Variants in SCML2 observed in about 807,000 individuals in gnomAD.
The protein encoded by SCML2 is sex comb on midleg-like protein 2.
In SCML2, 6 loss-of-function variants were observed where a neutral mutation model predicts 48.4. The ratio of observed to expected loss-of-function variants is 0.12; its 90% CI spans 0.07 to 0.24. The LOEUF (loss-of-function observed/expected upper bound fraction) is 0.24, where lower values mean the gene tolerates loss of function less well. Among genes scored for constraint, SCML2 ranks in the 10% least tolerant of loss-of-function variants. SCML2 has a pLI of 1.00. For missense variants in SCML2, 377 were observed against 528.2 expected, an observed-to-expected ratio of 0.71 and a Z score of 2.81; for synonymous variants, 181 against 189.5, an observed-to-expected ratio of 0.95 and a Z score of 0.37.
chrX:18,307,349 A>G (rs1928789518), intron 6 of SCML2, among the ~76,000 whole-genome samples: 1 of 111,875 alleles, frequency 8.9e-6, no homozygotes, highest in Non-Finnish European at 1.9e-5. Context: ...AGATCAAAGT[A>G]TTTGATAAAT....
chrX:18,280,378 T>C (rs902867075), intron 7 of SCML2, among the ~76,000 whole-genome samples: 2 of 111,404 alleles, frequency 1.8e-5, no homozygotes, highest in African/African-American at 6.5e-5. Context: ...AAACATGAAA[T>C]TGAAAGAATG....
chrX:18,270,176 T>G (rs1927403681), intron 7 of SCML2, among the ~76,000 whole-genome samples: 1 of 108,757 alleles, frequency 9.2e-6, no homozygotes, highest in African/African-American at 3.4e-5. Flanking sequence ...TACAGGCGCG[T>G]GCCACCATGC....
intron 3 of SCML2, among the ~76,000 whole-genome samples, chrX:18,329,695 G>A (rs112272168): frequency 8.9e-6 from 1 of 112,409 alleles, no homozygotes; most frequent in Non-Finnish European, 1.9e-5. Context: ...TATATGCCTA[G>A]GCATTATATT....
At chrX:18,305,572 ATAG>A (rs1280106623) in intron 6 of SCML2, among the ~76,000 whole-genome samples, 1 of 111,777 alleles carries the variant, frequency 8.9e-6, no homozygotes, top group East Asian at 2.8e-4. Context: ...AATGCTGGTG[ATAG>A]TAGTGGTTGC....
At chrX:18,258,664 T>G (rs993881573) in intron 9 of SCML2, among the ~76,000 whole-genome samples, 2 of 111,208 alleles carry the variant, frequency 1.8e-5, no homozygotes, top group African/African-American at 6.5e-5. Context: ...ATGCTCTTTT[T>G]TGGACTGAAT....
At chrX:18,342,305 G>A (rs1384990111) in intron 1 of SCML2, among the ~76,000 whole-genome samples, 1 of 110,020 alleles carries the variant, frequency 9.1e-6, no homozygotes, top group Non-Finnish European at 1.9e-5. Flanking sequence ...TGCATATTAG[G>A]AGCAATTCCA....
At chrX:18,283,630 T>G (rs929839497) in intron 7 of SCML2, among the ~76,000 whole-genome samples, 2 of 112,357 alleles carry the variant, frequency 1.8e-5, no homozygotes, top group African/African-American at 6.5e-5. Flanking sequence ...GAGTAACATT[T>G]CTACATACCA....
At chrX:18,333,500 G>T (rs980285449) in intron 2 of SCML2, among the ~76,000 whole-genome samples, 2 of 111,315 alleles carry the variant, frequency 1.8e-5, no homozygotes, top group Non-Finnish European at 3.8e-5. Flanking sequence ...AACTGTAAAG[G>T]CATGCTTAGC....
intron 5 of SCML2, among the ~76,000 whole-genome samples, chrX:18,322,755 G>C (rs148093665): frequency 9.1e-6 from 1 of 110,256 alleles, no homozygotes; most frequent in South Asian, 3.9e-4. Flanking sequence ...TTAGCCAGGC[G>C]TGGTGGCGGG....
Position 18,288,903 on chromosome X carries a change from G to A in SCML2, c.730+16069C>T, listed in dbSNP as rs768564114. On this transcript the variant is annotated intron_variant, in intron 7 of 14. Transcript: ENST00000251900. The stretch of plus-strand genomic sequence containing the variant: ...AGCTATTTGCATTTGTTGGTTTAAG[G>A]GGGGAGGAGTGGGAGGAGGGGACTA... 2.7e-5 allele frequency among the ~76,000 whole-genome samples: 3 copies of A among 111,307 alleles called. No individual in the cohort carries two copies. In the Admixed American group the frequency reaches 2.9e-4, roughly 11 times the overall value.
chrX:18,304,415 C>T (rs182887557), intron 7 of SCML2, among the ~76,000 whole-genome samples: 14 of 111,371 alleles, frequency 1.3e-4, no homozygotes, highest in East Asian at 5.6e-4. Flanking sequence ...TAGGAAACAC[C>T]GTTACAACTA....
intron 7 of SCML2, among the ~76,000 whole-genome samples, chrX:18,274,375 A>C (rs2147491337): frequency 8.9e-6 from 1 of 112,291 alleles, no homozygotes; most frequent in African/African-American, 3.2e-5. Context: ...GCAGCCAGCT[A>C]GTGCACTCCA....
At chrX:18,333,927 G>A (rs1929730595) in intron 2 of SCML2, 123 bp downstream of exon 2, 9 of 519,099 alleles carry the variant, frequency 1.7e-5, no homozygotes, top group South Asian at 5.0e-5. Context: ...CAAATTCTAA[G>A]CACCTAGCAT....
At chrX:18,316,842 T>G (rs897305021) in intron 6 of SCML2, among the ~76,000 whole-genome samples, 6 of 112,356 alleles carry the variant, frequency 5.3e-5, no homozygotes, top group Non-Finnish European at 7.5e-5. Context: ...GCAAACCCTA[T>G]TGTGAACTGC....
At chrX:18,306,707 T>C in intron 6 of SCML2, among the ~76,000 whole-genome samples, 1 of 111,794 alleles carries the variant, frequency 8.9e-6, no homozygotes. Flanking sequence ...TGGTTTCTTT[T>C]TCAAATGCCC....
At chrX:18,272,787 C>T (rs984002228) in intron 7 of SCML2, among the ~76,000 whole-genome samples, 16 of 111,348 alleles carry the variant, frequency 1.4e-4, no homozygotes, top group East Asian at 5.6e-4. Flanking sequence ...GAAGGCTTGC[C>T]GCCACTGCCT....
chrX:18,354,576 C>T lies in SCML2; in HGVS notation c.-25+16G>A, dbSNP rs1168423961. The T allele has an allele frequency of 2.9e-5, 8 of 276,458 alleles. No homozygotes were observed. Among genetic ancestry groups the T allele is most frequent in the Non-Finnish European group, 5.1e-5 (8 of 156,995 alleles). The allele number at this position is 276,458 out of a possible 1,213,427, so 22.8% of individuals were successfully genotyped here. On this transcript the variant is annotated intron_variant, in intron 1 of 14. Transcript: ENST00000251900. Reference sequence around the variant, plus strand: ...CCGCCTCTCCATTCCTTACGGGGCCCGGAATCACCACGTACCTCCAGTCTC... The same window carrying T: ...CCGCCTCTCCATTCCTTACGGGGCCTGGAATCACCACGTACCTCCAGTCTC...
Position 18,265,593 on chromosome X carries a change from C to T in SCML2, c.940G>A (p.Gly314Arg). 1.7e-6 allele frequency: 2 copies of T among 1,203,595 alleles called. No individual in the cohort carries two copies. The highest frequency in any genetic ancestry group is 1.8e-5 in the South Asian group (1 of 55,542). The change falls in exon 8 of 15, where the codon GGA becomes AGA. Residue 314 changes from glycine (G) to arginine (R), a missense_variant. This residue lies in a region of SCML2 where 299 missense variants were observed against 425.5 expected (regional missense o/e 0.70). Coordinates refer to ENST00000251900, the MANE Select transcript of SCML2 (RefSeq NM_006089.3). ...ITPRKKGPNS[G>R]KKEKPLPVIC... ...GAGGACATACAACTAACCTTTTTTC[C>T]TGAGTTTGGACCTTTTTTCCTTGGT...
chrX:18,308,263 AAAAAAAAAAC>A (rs1308039706), intron 6 of SCML2, among the ~76,000 whole-genome samples: 2 of 98,956 alleles, frequency 2.0e-5, no homozygotes, highest in Non-Finnish European at 4.0e-5. Flanking sequence ...CTATCTCAAA[AAAAAAAAAAC>A]AAAAAAAAAC....
Sources: allele counts gnomAD v4.1 joint callset (sites outside exome capture counted in the v4.1 genomes callset), GRCh38; gene constraint gnomAD v4.1.1; regional missense constraint gnomAD v4.1.1; transcripts MANE v1.5; gene names NCBI Gene and HGNC (gene_info 2026-07-23, HGNC 2026-07-21).